CSMD3: variants seen among roughly 807,000 people sequenced by gnomAD.
The protein encoded by CSMD3 is CUB and Sushi multiple domains 3, also known as CUB and sushi domain-containing protein 3.
Under a neutral mutation model 435.2 loss-of-function variants are expected in CSMD3, and 177 were observed. The ratio of observed to expected loss-of-function variants is 0.41; its 90% CI spans 0.36 to 0.46. The LOEUF (loss-of-function observed/expected upper bound fraction) is 0.46, where lower values mean the gene tolerates loss of function less well. CSMD3 is among the 20% of genes least tolerant of loss of function. The pLI is 0.34. For missense variants in CSMD3, 4,265 were observed against 4,504.6 expected (o/e 0.95, Z 1.52); for synonymous variants, 1,656 against 1,520.5 (o/e 1.09, Z -2.07).
At chr8:112,600,316 A>C (rs1483854448) in intron 22 of CSMD3, among the ~76,000 whole-genome samples, 3 of 152,106 alleles carry the variant, frequency 2.0e-5, no homozygotes, top group Non-Finnish European at 4.4e-5. Context: ...AAAAAATATG[A>C]ACATTGTGCT....
intron 49 of CSMD3, among the ~76,000 whole-genome samples, chr8:112,312,393 T>TG (rs1822066368): frequency 6.6e-6 from 1 of 152,042 alleles, no homozygotes; most frequent in Non-Finnish European, 1.5e-5. Context: ...TAGGTAGGAT[T>TG]ACAGGTGCCC....
At chr8:112,477,822 C>A (rs1012315145) in intron 31 of CSMD3, among the ~76,000 whole-genome samples, 2 of 152,108 alleles carry the variant, frequency 1.3e-5, no homozygotes, top group Non-Finnish European at 2.9e-5. Context: ...AACAGACTAA[C>A]AAATTGAAAG....
At chr8:112,287,973 A>G (rs1819376454) in intron 57 of CSMD3, among the ~76,000 whole-genome samples, 1 of 151,970 alleles carries the variant, frequency 6.6e-6, no homozygotes, top group Admixed American at 6.6e-5. Flanking sequence ...AAATAATCCT[A>G]ATCAAAATTG....
intron 11 of CSMD3, among the ~76,000 whole-genome samples, chr8:112,852,691 G>A (rs952860847): frequency 6.6e-6 from 1 of 152,030 alleles, no homozygotes; most frequent in African/African-American, 2.4e-5. Context: ...GGGAGGCCGA[G>A]GTGGGTGGAT....
intron 1 of CSMD3, among the ~76,000 whole-genome samples, chr8:113,317,754 T>C (rs2093920792): frequency 6.6e-6 from 1 of 152,166 alleles, no homozygotes; most frequent in Non-Finnish European, 1.5e-5. Flanking sequence ...GCAGTGTTTT[T>C]CTTACTAGGC....
At chr8:112,984,601 G>A (rs1564178615) in intron 6 of CSMD3, among the ~76,000 whole-genome samples, 1 of 152,048 alleles carries the variant, frequency 6.6e-6, no homozygotes, top group Non-Finnish European at 1.5e-5. Context: ...ATCTTCCCTG[G>A]AGGAGAGACA....
chr8:112,903,038 A>C (rs746832650), intron 10 of CSMD3, among the ~76,000 whole-genome samples: 2 of 149,904 alleles, frequency 1.3e-5, no homozygotes, highest in African/African-American at 2.5e-5. Context: ...GGCATATATC[A>C]GCCTATTTTG....
At chr8:112,641,859 AC>A (rs1156479750) in intron 20 of CSMD3, among the ~76,000 whole-genome samples, 4 of 151,730 alleles carry the variant, frequency 2.6e-5, no homozygotes, top group Non-Finnish European at 5.9e-5. Flanking sequence ...CAAACAAAAA[AC>A]CCCAAAGCAA....
chr8:112,645,037 G>T, intron 20 of CSMD3, 72 bp downstream of exon 20: 1 of 840,078 alleles, frequency 1.2e-6, no homozygotes, highest in Non-Finnish European at 2.1e-6. Flanking sequence ...ACATGTAAAG[G>T]AAAGTGAAAT....
intron 3 of CSMD3, among the ~76,000 whole-genome samples, chr8:113,242,845 A>T (rs955111217): frequency 6.6e-5 from 10 of 151,928 alleles, no homozygotes; most frequent in Non-Finnish European, 8.8e-5. Flanking sequence ...TAAAGTTCTC[A>T]CGATTCTCAA....
chr8:113,022,067 C>T (rs994608695), intron 5 of CSMD3, among the ~76,000 whole-genome samples: 1 of 152,114 alleles, frequency 6.6e-6, no homozygotes, highest in Non-Finnish European at 1.5e-5. Context: ...TCATTCTAAA[C>T]AATATGGTTT....
At chr8:112,731,962 T>G (rs922690206) in intron 13 of CSMD3, among the ~76,000 whole-genome samples, 3 of 152,164 alleles carry the variant, frequency 2.0e-5, no homozygotes, top group African/African-American at 7.2e-5. Context: ...TTGGAATGTT[T>G]CCTTGTCTAT....
At chr8:112,645,978 T>C (rs2074969013) in intron 19 of CSMD3, among the ~76,000 whole-genome samples, 1 of 152,256 alleles carries the variant, frequency 6.6e-6, no homozygotes, top group African/African-American at 2.4e-5. Flanking sequence ...CCTTATTCAC[T>C]TTCACTTGGA....
At chr8:112,247,229 C>T (rs1046359413) in intron 63 of CSMD3, 98 bp from the exon 64 acceptor site, 11 of 743,542 alleles carry the variant, frequency 1.5e-5, no homozygotes, top group Non-Finnish European at 2.1e-5. Flanking sequence ...AGTGAAATTC[C>T]GTATGGTAAA....
chr8:113,081,363 C>CA (rs1363716645), intron 5 of CSMD3, among the ~76,000 whole-genome samples: 1 of 152,134 alleles, frequency 6.6e-6, no homozygotes, highest in Non-Finnish European at 1.5e-5. Flanking sequence ...GGAGGTGTGT[C>CA]ATTTCAATCT....
At chr8:112,745,921 A>G (rs2077415226) in intron 13 of CSMD3, among the ~76,000 whole-genome samples, 1 of 151,722 alleles carries the variant, frequency 6.6e-6, no homozygotes. Context: ...CATTTTGCTA[A>G]TTTTTTTTCT....
intron 3 of CSMD3, among the ~76,000 whole-genome samples, chr8:113,218,466 CA>C (rs35840130): frequency 0.034 from 3,253 of 94,702 alleles, 83 homozygotes; most frequent in African/African-American, 0.077. Context: ...TAAAGTGCTA[CA>C]AAAAAAAAAA....
At chr8:112,484,000 T>C (rs1385140736) in intron 31 of CSMD3, among the ~76,000 whole-genome samples, 1 of 152,174 alleles carries the variant, frequency 6.6e-6, no homozygotes, top group Non-Finnish European at 1.5e-5. Flanking sequence ...AAGGTCAAGG[T>C]GGATGTGGTC....
intron 13 of CSMD3, among the ~76,000 whole-genome samples, chr8:112,760,682 G>A (rs915983399): frequency 2.6e-5 from 4 of 152,108 alleles, no homozygotes; most frequent in African/African-American, 9.7e-5. Context: ...ACTTCAATGA[G>A]TTTTAAAAGC....
Sources: gnomAD v4.1 joint callset for allele counts (sites outside exome capture counted in the v4.1 genomes callset) on GRCh38, gnomAD v4.1.1 for gene constraint, MANE v1.5 for transcripts, NCBI Gene and HGNC (gene_info 2026-07-23, HGNC 2026-07-21) for gene names.